The following OSBPL1A variants were observed in gnomAD, a reference collection of about 807,000 sequenced individuals.
The protein encoded by OSBPL1A is oxysterol-binding protein-related protein 1.
A neutral mutation model predicts 137.1 loss-of-function variants in OSBPL1A; 80 were observed. The ratio of observed to expected loss-of-function variants is 0.58; its 90% CI spans 0.49 to 0.70. The LOEUF is 0.70. Ranked by LOEUF, OSBPL1A falls within the 30% of genes least tolerant of loss-of-function variation. The probability of loss-of-function intolerance (pLI) is 0.00; values close to 1 mark genes in which losing one functional copy is unlikely to be tolerated. For synonymous variants in OSBPL1A, 365 were observed against 389.7 expected (o/e 0.94, Z 0.75); for missense variants, 970 against 1,129.4 (o/e 0.86, Z 2.02).
chr18:24,376,611 T>C (rs1037174013), intron 2 of OSBPL1A, among the ~76,000 whole-genome samples: 1 of 152,200 alleles, frequency 6.6e-6, no homozygotes, highest in African/African-American at 2.4e-5. Flanking sequence ...TGGATGGGAC[T>C]GGGCGCTGTG....
intron 15 of OSBPL1A, among the ~76,000 whole-genome samples, chr18:24,275,387 A>G (rs1238759309): frequency 6.6e-6 from 1 of 152,158 alleles, no homozygotes; most frequent in Non-Finnish European, 1.5e-5. Context: ...TGACTACCTC[A>G]TGTTTAACAA....
chr18:24,317,824 AT>A (rs1400365842), intron 9 of OSBPL1A, among the ~76,000 whole-genome samples: 22 of 152,206 alleles, frequency 1.4e-4, no homozygotes, highest in African/African-American at 4.6e-4. Flanking sequence ...TGCAAAAGAA[AT>A]TATGTGCTCT....
At chr18:24,337,046 T>C (rs1230493629) in intron 5 of OSBPL1A, among the ~76,000 whole-genome samples, 2 of 152,172 alleles carry the variant, frequency 1.3e-5, no homozygotes, top group African/African-American at 4.8e-5. Flanking sequence ...CAAAGTGACA[T>C]TATGTGCCTC....
Position 24,366,951 on chromosome 18 carries a change from T to G in OSBPL1A, c.223A>C (p.Asn75His). 6.2e-7 allele frequency: 1 copy of G among 1,612,578 alleles called. No individual in the cohort carries two copies. Among genetic ancestry groups the G allele is most frequent in the East Asian group, 2.2e-5 (1 of 44,810 alleles). ...QDLLKAGAEV[N>H]VLNDMGDTPL... ...GTGTCTCCCATGTCATTCAACACAT[T>G]CACTTCTGCACCAGCCTAGTAAACA... Residue 75 changes from asparagine (N) to histidine (H), a missense_variant, in exon 4 of 28, where the codon AAT (asparagine) becomes CAT (histidine). Physicochemically the swap from Asn to His is moderately conservative, Grantham distance 68 (BLOSUM62 1). Coordinates refer to ENST00000319481, the MANE Select transcript of OSBPL1A (RefSeq NM_080597.4).
chr18:24,360,239 G>A (rs1483659676), intron 4 of OSBPL1A, among the ~76,000 whole-genome samples: 3 of 152,176 alleles, frequency 2.0e-5, no homozygotes, highest in Non-Finnish European at 4.4e-5. Flanking sequence ...CCATAGTGCT[G>A]GGATTACAGG....
At chr18:24,394,756 AAC>A (rs1364163296) in intron 1 of OSBPL1A, among the ~76,000 whole-genome samples, 17 of 152,366 alleles carry the variant, frequency 1.1e-4, no homozygotes, top group Admixed American at 3.9e-4. Flanking sequence ...AAAAACTTTA[AAC>A]ACAAAGTAAA....
At chr18:24,176,309 C>CTCT (rs1448463274) in intron 21 of OSBPL1A, among the ~76,000 whole-genome samples, 3 of 152,150 alleles carry the variant, frequency 2.0e-5, no homozygotes, top group African/African-American at 7.2e-5. Context: ...GACAGTGTGT[C>CTCT]TCTGCATTAC....
intron 17 of OSBPL1A, among the ~76,000 whole-genome samples, chr18:24,203,126 C>G (rs1294545699): frequency 1.3e-5 from 2 of 152,252 alleles, no homozygotes; most frequent in East Asian, 3.9e-4. Flanking sequence ...TACAGGCATG[C>G]GCCACCATGT....
At chr18:24,246,293 C>A (rs2088884535) in intron 15 of OSBPL1A, among the ~76,000 whole-genome samples, 2 of 152,024 alleles carry the variant, frequency 1.3e-5, no homozygotes, top group Non-Finnish European at 2.9e-5. Context: ...GGGACCGAGG[C>A]AGATTTACCT....
intron 15 of OSBPL1A, among the ~76,000 whole-genome samples, chr18:24,241,061 C>T (rs1046527656): frequency 1.3e-5 from 2 of 152,210 alleles, no homozygotes; most frequent in African/African-American, 4.8e-5. Flanking sequence ...GTTGGGAAAA[C>T]TGGCTAGCCA....
chr18:24,220,819 G>T (rs1446295729), intron 17 of OSBPL1A, among the ~76,000 whole-genome samples: 4 of 146,070 alleles, frequency 2.7e-5, no homozygotes, highest in Admixed American at 6.8e-5. Flanking sequence ...TTTTGTTTTG[G>T]TTTTTTTTTT....
At chr18:24,286,429 T>C (rs2090068139) in intron 14 of OSBPL1A, among the ~76,000 whole-genome samples, 1 of 152,174 alleles carries the variant, frequency 6.6e-6, no homozygotes, top group African/African-American at 2.4e-5. Flanking sequence ...GACCATTTAA[T>C]CTATATATCT....
At chr18:24,304,070 T>A (rs1458682855) in intron 13 of OSBPL1A, among the ~76,000 whole-genome samples, 1 of 152,176 alleles carries the variant, frequency 6.6e-6, no homozygotes, top group African/African-American at 2.4e-5. Context: ...ATGAAATTCA[T>A]CAAGAAATTA....
At chr18:24,248,090 C>G (rs537817042) in intron 15 of OSBPL1A, among the ~76,000 whole-genome samples, 1 of 152,298 alleles carries the variant, frequency 6.6e-6, no homozygotes, top group East Asian at 1.9e-4. Flanking sequence ...CTCAGACAGT[C>G]CATCCTTAGT....
intron 4 of OSBPL1A, among the ~76,000 whole-genome samples, chr18:24,361,385 T>C (rs939186365): frequency 3.3e-5 from 5 of 152,204 alleles, no homozygotes; most frequent in African/African-American, 1.2e-4. Flanking sequence ...TTTATATGCA[T>C]TGGCCTATGG....
rs150902064 is a variant in OSBPL1A at position 24,389,661 on chromosome 18, C to A, written c.-3+7994G>T. On this transcript the variant is annotated intron_variant, in intron 1 of 27. Transcript: ENST00000319481. ...TCCAGCTTAATATATACAGAATTGG[C>A]CAGGTGCGGTGGCTCACGCCTGTAC... Among the ~76,000 whole-genome samples, 194 of 152,270 alleles carry A rather than the reference C, an allele frequency of 1.3e-3. 1 individual carries two copies. Among genetic ancestry groups the A allele is most frequent in the Middle Eastern group, 6.8e-3 (2 of 292 alleles).
chr18:24,166,023 G>C (rs1685231), intron 26 of OSBPL1A, among the ~76,000 whole-genome samples: 1 of 152,206 alleles, frequency 6.6e-6, no homozygotes, highest in African/African-American at 2.4e-5. Flanking sequence ...CTCGAACCCA[G>C]GAGGTGGAGG....
At chr18:24,241,197 A>G (rs1213606608) in intron 15 of OSBPL1A, among the ~76,000 whole-genome samples, 1 of 152,244 alleles carries the variant, frequency 6.6e-6, no homozygotes, top group Non-Finnish European at 1.5e-5. Context: ...AGGCAATACC[A>G]TTCAGGACAT....
intron 23 of OSBPL1A, among the ~76,000 whole-genome samples, chr18:24,170,912 T>C (rs547370815): frequency 2.0e-5 from 3 of 150,098 alleles, no homozygotes; most frequent in South Asian, 2.1e-4. Context: ...CCTCCCAAAG[T>C]GCTGGGAATA....
Sources: gnomAD v4.1 joint callset for allele counts (sites outside exome capture counted in the v4.1 genomes callset) on GRCh38, gnomAD v4.1.1 for gene constraint, MANE v1.5 for transcripts, NCBI Gene and HGNC (gene_info 2026-07-23, HGNC 2026-07-21) for gene names.